Variants in TELO2 observed in about 807,000 individuals in gnomAD.
TELO2 encodes the protein telomere length regulation protein TEL2 homolog.
TELO2 carries 71 observed loss-of-function variants against 91.0 expected under a neutral mutation model. The ratio of observed to expected loss-of-function variants is 0.78; its 90% CI spans 0.64 to 0.95. The LOEUF is 0.95. Ranked by LOEUF, TELO2 falls within the 40% of genes least tolerant of loss-of-function variation. The pLI is 0.00. For missense variants in TELO2, 1,183 were observed against 1,141.3 expected, an observed-to-expected ratio of 1.04 and a Z score of -0.53; for synonymous variants, 584 against 518.9, an observed-to-expected ratio of 1.13 and a Z score of -1.71.
intron 9 of TELO2, 77 bp downstream of exon 9, chr16:1,500,776 T>C: frequency 6.4e-7 from 1 of 1,557,556 alleles, no homozygotes; most frequent in East Asian, 2.3e-5. Context: ...AGCCCCAGGG[T>C]CACCGCCTCT....
In TELO2 at chr16:1,500,084, C is replaced by CT. The variant is rs1217550267; in HGVS notation, c.934-8dup. On this transcript the variant is annotated splice_polypyrimidine_tract_variant and intron_variant, in intron 6 of 20. Transcript: ENST00000262319. Reference sequence around the variant, plus strand: ...CCTCAGCCCAGTGGACAGGCATGTGCTTTTATTGCAGACGCCCATGCTGCA... The same window carrying CT: ...CCTCAGCCCAGTGGACAGGCATGTGCTTTTTATTGCAGACGCCCATGCTGCA... 1 of 1,607,884 alleles carries CT rather than the reference C, an allele frequency of 6.2e-7. No homozygotes were observed. Among genetic ancestry groups the CT allele is most frequent in the Non-Finnish European group, 8.5e-7 (1 of 1,178,472 alleles).
rs939542226 is a variant in TELO2 at position 1,493,419 on chromosome 16, C to A, written c.-223C>A. ...ATTCGCGCTGAGAGGCCCGCGGAGA[C>A]CCGCCCCAGAGGCTCAAGAAAACCC... On this transcript the variant is annotated 5_prime_UTR_variant, in exon 1 of 21. Transcript: ENST00000262319. The surrounding 1 kb of genome is among the most constrained non-coding windows in gnomAD (Gnocchi z 4.3). 38 of 152,356 alleles carry A rather than the reference C, an allele frequency of 2.5e-4. No homozygotes were observed. Among genetic ancestry groups the A allele is most frequent in the African/African-American group, 8.4e-4 (35 of 41,578 alleles). 9.4% of individuals were successfully genotyped at this position (152,356 alleles called of 1,614,324 possible). A position where few individuals can be genotyped will look rare whatever the true frequency, so the allele number is the denominator to read the frequency against.
chr16:1,495,344 A>T lies in TELO2; in HGVS notation c.336-2A>T, dbSNP rs2039441981. The T allele has an allele frequency of 6.5e-7, 1 of 1,540,572 alleles. No individual in the cohort carries two copies. ...CTCTGCCCAACACGCCCGTATCTTC[A>T]GCCCCAGCTTCCGGCTGATGAAGAT... On this transcript the variant is annotated splice_acceptor_variant, in intron 2 of 20. Transcript: ENST00000262319. LOFTEE classifies it high-confidence loss of function.
Position 1,502,106 on chromosome 16 carries a change from C to T in TELO2, c.1532C>T (p.Ala511Val), listed in dbSNP as rs58099766. ...SGDRELKSSK[A>V]PAYVRDCVEA... is the part of the protein sequence containing the mutation. ...GACAGAGAGCTGAAGAGCAGCAAGG[C>T]TCCTGCCTACGTCCGGGACTGCGTG... Residue 511 changes from alanine to valine, a missense_variant, in exon 12 of 21, where the codon GCT (alanine) becomes GTT (valine). Ala to Val is a moderately conservative substitution (Grantham distance 64). Coordinates refer to ENST00000262319, the MANE Select transcript of TELO2 (RefSeq NM_016111.4). The T allele has an allele frequency of 3.8e-3, 6,185 of 1,613,084 alleles. 218 individuals carry two copies. In the African/African-American group the frequency reaches 0.072, roughly 19 times the overall value.
chr16:1,507,706 C>A lies in TELO2; in HGVS notation c.2397C>A (p.Ser799=). 1 of 1,603,560 alleles carries A rather than the reference C, an allele frequency of 6.2e-7. No homozygotes were observed. Reference sequence around the variant, plus strand: ...TGGACGAGCTGCTGGAAGCCCGGTCCTGGCTGGCGGGTGAGTGTCGGCCTG... The same window carrying A: ...TGGACGAGCTGCTGGAAGCCCGGTCATGGCTGGCGGGTGAGTGTCGGCCTG... The part of the protein sequence containing the change: ...DLMDELLEAR[S]WLADVAEKDP... Residue 799 remains serine, a synonymous_variant, in exon 20 of 21, where the codon TCC becomes TCA. Coordinates refer to ENST00000262319, the MANE Select transcript of TELO2 (RefSeq NM_016111.4).
At chr16:1,500,041 G>A (rs990756559) in intron 6 of TELO2, 55 bp from the exon 7 acceptor site, 11 of 1,569,150 alleles carry the variant, frequency 7.0e-6, no homozygotes, top group African/African-American at 5.4e-5. Flanking sequence ...TGGGAGCCCC[G>A]GGCTGGCCAG....
Position 1,493,870 on chromosome 16 carries a change from G to C in TELO2, c.-37+265G>C, listed in dbSNP as rs2039386813. Among the ~76,000 whole-genome samples the C allele has an allele frequency of 6.6e-6, 1 of 152,266 alleles. No homozygotes were observed. Among genetic ancestry groups the C allele is most frequent in the African/African-American group, 2.4e-5 (1 of 41,462 alleles). ...GCTCAGGGAGCCGGGAGGGCCGGCA[G>C]CTCCCGCGGGCCGAGTTTCCCGCCT... On this transcript the variant is annotated intron_variant, in intron 1 of 20. Coordinates refer to ENST00000262319, the MANE Select transcript of TELO2 (RefSeq NM_016111.4). This position sits in a 1 kb window ranked among gnomAD's most constrained non-coding sequence, Gnocchi z 4.3.
chr16:1,495,189 G>A (rs2039433249), intron 2 of TELO2, among the ~76,000 whole-genome samples, 157 bp from the exon 3 acceptor site: 2 of 152,356 alleles, frequency 1.3e-5, no homozygotes, highest in South Asian at 4.1e-4. Flanking sequence ...TTTAGGAATG[G>A]ATTAACAGAT....
At position 1,507,581 on chromosome 16, in the gene TELO2, C is replaced by T; in HGVS notation, c.2292-20C>T. 1.3e-6 allele frequency: 2 copies of T among 1,567,536 alleles called. No individual in the cohort carries two copies. Among genetic ancestry groups the T allele is most frequent in the Non-Finnish European group, 1.7e-6 (2 of 1,163,370 alleles). ...GGGTGTGGTCCCTGCCGAGCTCAGCCCCCGCCTTCTTGCCGGCAGCTACGT... is the reference window on the plus strand; with the variant it reads ...GGGTGTGGTCCCTGCCGAGCTCAGCTCCCGCCTTCTTGCCGGCAGCTACGT... On this transcript the variant is annotated intron_variant, in intron 19 of 20. Coordinates refer to ENST00000262319, the MANE Select transcript of TELO2 (RefSeq NM_016111.4).
rs373805497 is a variant in TELO2, at chr16:1,502,634, C to G, written c.1654-11C>G. Reference sequence around the variant, plus strand: ...TCCGACAGGTTTCCCAGCCCTAACCCCTGCGTGCAGGTGAGCGTGGAGCTG... The same window carrying G: ...TCCGACAGGTTTCCCAGCCCTAACCGCTGCGTGCAGGTGAGCGTGGAGCTG... On this transcript the variant is annotated splice_polypyrimidine_tract_variant and intron_variant, in intron 13 of 20. Coordinates refer to ENST00000262319, the MANE Select transcript of TELO2 (RefSeq NM_016111.4). 13 of 1,609,858 alleles carry G rather than the reference C, an allele frequency of 8.1e-6. No homozygotes were observed. The African/African-American group carries it at 1.6e-4, about 20-fold the overall frequency.
chr16:1,502,229 C>T (rs1340032530), intron 12 of TELO2, 84 bp from the exon 13 acceptor site: 1 of 1,574,694 alleles, frequency 6.4e-7, no homozygotes, highest in African/African-American at 1.4e-5. Context: ...AAGCCCTGGG[C>T]CCGGGGTGCC....
Position 1,497,210 on chromosome 16 carries a change from C to T in TELO2, c.682+106C>T, listed in dbSNP as rs772426574. ...TCCTGACCCTGGCCCTCTGCAGGGT[C>T]CCCTTGCCCGGTCCTGTCCTGGGCC... On this transcript the variant is annotated intron_variant, in intron 4 of 20. Coordinates refer to ENST00000262319, the MANE Select transcript of TELO2 (RefSeq NM_016111.4). This position sits in a 1 kb window ranked among gnomAD's most constrained non-coding sequence, Gnocchi z 4.0. The T allele has an allele frequency of 6.5e-7, 1 of 1,532,242 alleles. No individual in the cohort carries two copies. Among genetic ancestry groups the T allele is most frequent in the African/African-American group, 1.4e-5 (1 of 72,938 alleles). 94.9% of individuals were successfully genotyped at this position (1,532,242 alleles called of 1,614,324 possible).
In TELO2 at chr16:1,507,795, A is replaced by G. The variant is rs1349712476; in HGVS notation, c.2407+79A>G. On this transcript the variant is annotated intron_variant, in intron 20 of 20. Transcript: ENST00000262319. ...GTGTATGTGTGTGTGTGTGTGTGAG[A>G]GATGTGTCGGCCCGGGGTGTGTGTG... 6 of 1,051,906 alleles carry G rather than the reference A, an allele frequency of 5.7e-6. 1 individual carries two copies. In the African/African-American group the frequency reaches 9.8e-5, roughly 17 times the overall value. 65.2% of individuals were successfully genotyped at this position (1,051,906 alleles called of 1,614,324 possible). A position where few individuals can be genotyped will look rare whatever the true frequency, so the allele number is the denominator to read the frequency against.
At chr16:1,507,999 A>G (rs1381170426) in intron 20 of TELO2, among the ~76,000 whole-genome samples, 1 of 145,640 alleles carries the variant, frequency 6.9e-6, no homozygotes, top group Non-Finnish European at 1.5e-5. Flanking sequence ...CAGAGTGTGC[A>G]GGCCGGAGGT....
At chr16:1,496,542 C>T (rs531334407) in intron 3 of TELO2, among the ~76,000 whole-genome samples, 3 of 152,324 alleles carry the variant, frequency 2.0e-5, no homozygotes, top group East Asian at 1.9e-4. Flanking sequence ...CTGGTCCCCA[C>T]GCGGCTCTGT....
Position 1,507,728 on chromosome 16 carries a change from C to A in TELO2, c.2407+12C>A. On this transcript the variant is annotated intron_variant, in intron 20 of 20. Transcript: ENST00000262319. ...GTCCTGGCTGGCGGGTGAGTGTCGG[C>A]CTGCGGTGTGTGTGTGAGATGTGTG... The A allele has an allele frequency of 6.3e-7, 1 of 1,595,534 alleles. No homozygotes were observed. Among genetic ancestry groups the A allele is most frequent in the Non-Finnish European group, 8.5e-7 (1 of 1,177,144 alleles).
chr16:1,501,367 G>A, intron 9 of TELO2, 53 bp from the exon 10 acceptor site: 2 of 1,577,074 alleles, frequency 1.3e-6, no homozygotes, highest in Non-Finnish European at 1.7e-6. Flanking sequence ...CTCCGTCTCG[G>A]GGAGGGGCGC....
chr16:1,509,851 A>G lies in TELO2; in HGVS notation c.2429A>G (p.Asp810Gly). 1 of 1,612,494 alleles carries G rather than the reference A, an allele frequency of 6.2e-7. No homozygotes were observed. Among genetic ancestry groups the G allele is most frequent in the Non-Finnish European group, 8.5e-7 (1 of 1,179,774 alleles). The change falls in exon 21 of 21, where the codon GAC becomes GGC. Residue 810 changes from aspartate (D) to glycine (G), a missense_variant. Physicochemically the swap from Asp to Gly is moderately conservative, Grantham distance 94. Coordinates refer to ENST00000262319, the MANE Select transcript of TELO2 (RefSeq NM_016111.4). ...WLADVAEKDP[D>G]EDCRTLALRA... ...GCAGACGTGGCTGAGAAAGACCCGG[A>G]CGAGGACTGCAGGACGCTGGCACTG...
At position 1,497,961 on chromosome 16, in the gene TELO2, C is replaced by T. The variant is rs577088817; in HGVS notation, c.830+453C>T. Among the ~76,000 whole-genome samples the T allele has an allele frequency of 3.9e-5, 6 of 152,246 alleles. No homozygotes were observed. In the East Asian group the frequency reaches 9.6e-4, roughly 24 times the overall value. ...TCACCTGCCTCAGATGTCTCCCCTC[C>T]CTTCAACGTGTGCAAGGACATACCT... is the stretch of plus-strand genomic sequence containing the variant. On this transcript the variant is annotated intron_variant, in intron 5 of 20. Transcript: ENST00000262319. This position sits in a 1 kb window ranked among gnomAD's most constrained non-coding sequence, Gnocchi z 4.0.
Sources: gnomAD v4.1 joint callset for allele counts (sites outside exome capture counted in the v4.1 genomes callset) on GRCh38, gnomAD v4.1.1 for gene constraint, Gnocchi (gnomAD v3.1) non-coding constraint, MANE v1.5 for transcripts, NCBI Gene and HGNC (gene_info 2026-07-23, HGNC 2026-07-21) for gene names.